Variants in ANO4 observed in about 807,000 individuals in gnomAD.
ANO4 encodes the protein anoctamin 4.
ANO4 carries 69 observed loss-of-function variants against 141.9 expected under a neutral mutation model. The observed-to-expected ratio is 0.49, with a 90% confidence interval of 0.40 to 0.59. The LOEUF (loss-of-function observed/expected upper bound fraction) is 0.59. Among genes scored for constraint, ANO4 ranks in the 20% least tolerant of loss-of-function variants. The pLI is 0.00. For synonymous variants in ANO4, 350 were observed against 394.3 expected, an observed-to-expected ratio of 0.89 and a Z score of 1.33; for missense variants, 894 against 1,162.2, an observed-to-expected ratio of 0.77 and a Z score of 3.36.
At chr12:100,969,252 A>G (rs976252209) in intron 5 of ANO4, among the ~76,000 whole-genome samples, 1 of 152,210 alleles carries the variant, frequency 6.6e-6, no homozygotes, top group African/African-American at 2.4e-5. Context: ...AGATCCAACT[A>G]TGAATAACAG....
chr12:100,980,154 T>C lies in ANO4; in HGVS notation c.602+5265T>C, dbSNP rs115863604. 1.0e-3 allele frequency among the ~76,000 whole-genome samples: 154 copies of C among 152,246 alleles called. 2 individuals are homozygous for C. The highest frequency in any genetic ancestry group is 3.5e-3 in the African/African-American group (147 of 41,532). Reference sequence around the variant, plus strand: ...TCACAACTACAGAAGAATTTAGGCATTGGAAGGTACTGGAAGACTCTGGGC... The same window carrying C: ...TCACAACTACAGAAGAATTTAGGCACTGGAAGGTACTGGAAGACTCTGGGC... On this transcript the variant is annotated intron_variant, in intron 7 of 27. Coordinates refer to ENST00000392977, the MANE Select transcript of ANO4 (RefSeq NM_001286615.2).
intron 1 of ANO4, among the ~76,000 whole-genome samples, chr12:100,876,655 A>G (rs557612266): frequency 4.6e-5 from 7 of 152,312 alleles, no homozygotes; most frequent in African/African-American, 1.7e-4. Context: ...TAGTCATGTG[A>G]TTCCATTTCA....
intron 5 of ANO4, among the ~76,000 whole-genome samples, chr12:100,944,288 G>A (rs1009343340): frequency 6.6e-6 from 1 of 152,044 alleles, no homozygotes; most frequent in Non-Finnish European, 1.5e-5. Context: ...CAGTTGTGCT[G>A]CACAGTACAG....
chr12:101,033,234 G>A (rs1398705434), intron 9 of ANO4, among the ~76,000 whole-genome samples: 13 of 150,684 alleles, frequency 8.6e-5, no homozygotes, highest in East Asian at 3.9e-4. Flanking sequence ...ACCAAACACC[G>A]CATATTCTCA....
chr12:100,751,159 G>A (rs2032356680), intron 3 of ANO4, among the ~76,000 whole-genome samples: 1 of 152,218 alleles, frequency 6.6e-6, no homozygotes. Flanking sequence ...TTTGCGGGCA[G>A]TTTCCCAAGA....
intron 1 of ANO4, among the ~76,000 whole-genome samples, chr12:100,894,351 C>T (rs1565980267): frequency 6.6e-6 from 1 of 152,096 alleles, no homozygotes; most frequent in East Asian, 1.9e-4. Flanking sequence ...AAGCAACAAC[C>T]TATCTTCAGG....
At chr12:100,935,023 C>T (rs1424511633) in intron 3 of ANO4, among the ~76,000 whole-genome samples, 1 of 152,172 alleles carries the variant, frequency 6.6e-6, no homozygotes, top group Non-Finnish European at 1.5e-5. Context: ...AATATACAGT[C>T]ATGTCATCTG....
At chr12:101,058,914 TGA>T (rs571220568) in intron 14 of ANO4, among the ~76,000 whole-genome samples, 23 of 152,356 alleles carry the variant, frequency 1.5e-4, no homozygotes, top group African/African-American at 5.5e-4. Context: ...ATAGGAGTGG[TGA>T]GAGAGGGCAT....
chr12:101,102,795 T>G (rs1468327294), intron 22 of ANO4, among the ~76,000 whole-genome samples: 2 of 152,070 alleles, frequency 1.3e-5, no homozygotes, highest in Non-Finnish European at 2.9e-5. Flanking sequence ...TAAATTGAAC[T>G]CCTACATCAA....
At chr12:101,011,435 C>T (rs920859710) in intron 8 of ANO4, among the ~76,000 whole-genome samples, 6 of 151,532 alleles carry the variant, frequency 4.0e-5, no homozygotes, top group Admixed American at 3.9e-4. Context: ...GGGTCTCATC[C>T]CAATATTGCA....
At chr12:100,862,408 G>A (rs1392466248) in intron 1 of ANO4, among the ~76,000 whole-genome samples, 1 of 152,186 alleles carries the variant, frequency 6.6e-6, no homozygotes, top group South Asian at 2.1e-4. Context: ...TGCAATCTCC[G>A]CCTCCCAGGT....
intron 14 of ANO4, among the ~76,000 whole-genome samples, chr12:101,052,345 G>A (rs1228854620): frequency 6.6e-6 from 1 of 152,114 alleles, no homozygotes; most frequent in Non-Finnish European, 1.5e-5. Context: ...AAAGGTCCAA[G>A]GGTCAGAATG....
chr12:101,069,296 TA>T, intron 14 of ANO4: 1 of 789,372 alleles, frequency 1.3e-6, no homozygotes, highest in Middle Eastern at 3.7e-4. Flanking sequence ...CACTTGCACT[TA>T]AATCATTACC....
chr12:101,103,140 A>T lies in ANO4; in HGVS notation c.2149+3420A>T, dbSNP rs1468040049. 2.8e-5 allele frequency among the ~76,000 whole-genome samples: 4 copies of T among 142,754 alleles called. No individual in the cohort carries two copies. The South Asian group carries it at 8.6e-4, about 31-fold the overall frequency. 93.7% of individuals were successfully genotyped at this position (142,754 alleles called of 152,430 possible). On this transcript the variant is annotated intron_variant, in intron 22 of 27. Coordinates refer to ENST00000392977, the MANE Select transcript of ANO4 (RefSeq NM_001286615.2). ...TCTACCATATATACATAATTGTATC[A>T]TCCACATATAATGATAACTTTACAT...
At chr12:100,928,247 C>G (rs1224204079) in intron 3 of ANO4, among the ~76,000 whole-genome samples, 4 of 151,940 alleles carry the variant, frequency 2.6e-5, no homozygotes, top group Non-Finnish European at 4.4e-5. Flanking sequence ...GACCTTTTAC[C>G]TATGTTATTT....
intron 2 of ANO4, among the ~76,000 whole-genome samples, chr12:100,915,333 T>A (rs1003716984): frequency 6.6e-6 from 1 of 152,192 alleles, no homozygotes; most frequent in African/African-American, 2.4e-5. Context: ...ATGCTGTGTT[T>A]GAGAATTTGT....
At chr12:100,923,938 T>C (rs895571572) in intron 3 of ANO4, among the ~76,000 whole-genome samples, 3 of 152,208 alleles carry the variant, frequency 2.0e-5, no homozygotes, top group African/African-American at 7.2e-5. Context: ...ATGTCTTCTT[T>C]TGAGAAGTGT....
chr12:100,889,439 C>T (rs1427620105), intron 1 of ANO4, among the ~76,000 whole-genome samples: 1 of 152,100 alleles, frequency 6.6e-6, no homozygotes, highest in Non-Finnish European at 1.5e-5. Flanking sequence ...AGTTCTAGAT[C>T]CCTGAGGAAT....
At chr12:100,851,378 T>C (rs2037863691) in intron 1 of ANO4, among the ~76,000 whole-genome samples, 1 of 152,208 alleles carries the variant, frequency 6.6e-6, no homozygotes, top group Non-Finnish European at 1.5e-5. Context: ...TATTTCTGTC[T>C]TTAGGAGACT....
Sources: allele counts gnomAD v4.1 joint callset (sites outside exome capture counted in the v4.1 genomes callset), GRCh38; gene constraint gnomAD v4.1.1; transcripts MANE v1.5; gene names NCBI Gene and HGNC (gene_info 2026-07-23, HGNC 2026-07-21).